STK32B: variants seen among roughly 807,000 people sequenced by gnomAD.
STK32B encodes the protein serine/threonine kinase 32B.
STK32B carries 43 observed loss-of-function variants against 52.6 expected under a neutral mutation model. The observed-to-expected ratio is 0.82, with a 90% CI of 0.64 to 1.05. The LOEUF (loss-of-function observed/expected upper bound fraction) is 1.05. STK32B is among the 50% of genes least tolerant of loss of function. The pLI, the probability that STK32B is intolerant of heterozygous loss-of-function variation, is 0.00. For synonymous variants in STK32B, 238 were observed against 204.3 expected, an observed-to-expected ratio of 1.17 and a Z score of -1.41; for missense variants, 621 against 534.6, an observed-to-expected ratio of 1.16 and a Z score of -1.59.
intron 1 of STK32B, among the ~76,000 whole-genome samples, chr4:5,116,587 T>G (rs1333136271): frequency 1.3e-5 from 2 of 152,230 alleles, no homozygotes; most frequent in Non-Finnish European, 2.9e-5. Context: ...CCTCCAGCTT[T>G]GTTCTTCTTG....
At chr4:5,292,644 G>A (rs1416608797) in intron 3 of STK32B, among the ~76,000 whole-genome samples, 1 of 151,964 alleles carries the variant, frequency 6.6e-6, no homozygotes, top group African/African-American at 2.4e-5. Flanking sequence ...AAGCTCTTTA[G>A]TTTAATTAGG....
rs1720548521 is a variant in STK32B, at chr4:5,499,229, G to A, written c.*146G>A. The A allele has an allele frequency of 8.4e-7, 1 of 1,193,582 alleles. No individual in the cohort carries two copies. The highest frequency in any genetic ancestry group is 1.6e-5 in the African/African-American group (1 of 63,784). The allele number at this position is 1,193,582 out of a possible 1,614,324, so 73.9% of individuals were successfully genotyped here. ...CTGGACTTGGAGCTGGGAAGCCTGGGTTCTGGTCCCATCTCCATGACTGAT... is the reference window on the plus strand; with the variant it reads ...CTGGACTTGGAGCTGGGAAGCCTGGATTCTGGTCCCATCTCCATGACTGAT... On this transcript the variant is annotated 3_prime_UTR_variant, in exon 12 of 12. Coordinates refer to ENST00000282908, the MANE Select transcript of STK32B (RefSeq NM_018401.3).
At position 5,386,143 on chromosome 4, in the gene STK32B, T is replaced by C. The variant is rs559588323; in HGVS notation, c.435-12064T>C. Among the ~76,000 whole-genome samples the C allele has an allele frequency of 3.3e-5, 5 of 149,868 alleles. No homozygotes were observed. The highest frequency in any genetic ancestry group is 3.3e-4 in the Admixed American group (5 of 15,014). On this transcript the variant is annotated intron_variant, in intron 4 of 11. Transcript: ENST00000282908. The surrounding 1 kb of genome is among the most constrained non-coding windows in gnomAD (Gnocchi z 4.5). Reference sequence around the variant, plus strand: ...AGCTCTTGGCCCACAGTTCCTGGCCTTTGTACTCCCTGGACTCTTCCCAGC... The same window carrying C: ...AGCTCTTGGCCCACAGTTCCTGGCCCTTGTACTCCCTGGACTCTTCCCAGC...
Position 5,467,855 on chromosome 4 carries a change from A to T in STK32B, c.1042-151A>T. 1.3e-6 allele frequency: 1 copy of T among 781,256 alleles called. No individual in the cohort carries two copies. Among genetic ancestry groups the T allele is most frequent in the South Asian group, 1.6e-5 (1 of 60,792 alleles). 48.4% of individuals were successfully genotyped at this position (781,256 alleles called of 1,614,324 possible). On this transcript the variant is annotated intron_variant, in intron 10 of 11. Coordinates refer to ENST00000282908, the MANE Select transcript of STK32B (RefSeq NM_018401.3). This position sits in a 1 kb window ranked among gnomAD's most constrained non-coding sequence, Gnocchi z 5.8. ...TTTGGACACAGCCACCCATGCAGTC[A>T]GGGTCAGCCCCAGACACTTAGCTTG...
intron 3 of STK32B, among the ~76,000 whole-genome samples, chr4:5,175,810 C>A (rs1368361082): frequency 1.3e-5 from 2 of 152,214 alleles, no homozygotes; most frequent in African/African-American, 2.4e-5. Context: ...GCTGGGAGAA[C>A]CACTACTCTG....
intron 3 of STK32B, among the ~76,000 whole-genome samples, chr4:5,302,471 G>A (rs928424433): frequency 4.6e-5 from 7 of 151,924 alleles, no homozygotes; most frequent in Non-Finnish European, 1.0e-4. Flanking sequence ...AGATCTACAA[G>A]CCTTCTGAAA....
At chr4:5,034,470 A>G in the STK32B span, among the ~76,000 whole-genome samples, 1 of 152,148 alleles carries the variant, frequency 6.6e-6, no homozygotes, top group African/African-American at 2.4e-5. Flanking sequence ...CAAATATTTG[A>G]TGAAGGAATA....
chr4:5,308,896 C>A (rs1290987909), intron 3 of STK32B, among the ~76,000 whole-genome samples: 1 of 151,524 alleles, frequency 6.6e-6, no homozygotes, highest in Admixed American at 6.6e-5. Flanking sequence ...ATGTCCTAGA[C>A]AGAACAATTA....
intron 3 of STK32B, among the ~76,000 whole-genome samples, chr4:5,180,534 C>T (rs73212017): frequency 0.19 from 28,539 of 152,064 alleles, 3,380 homozygotes; most frequent in East Asian, 0.31. Flanking sequence ...TGGCCCCTCC[C>T]TGCTTGGTAC....
At chr4:5,137,212 A>G (rs1024323772) in intron 1 of STK32B, among the ~76,000 whole-genome samples, 1 of 152,174 alleles carries the variant, frequency 6.6e-6, no homozygotes, top group African/African-American at 2.4e-5. Flanking sequence ...TGCACTCCCT[A>G]ATGCTGAAGC....
At chr4:5,257,116 C>T (rs997093834) in intron 3 of STK32B, among the ~76,000 whole-genome samples, 5 of 151,272 alleles carry the variant, frequency 3.3e-5, no homozygotes, top group African/African-American at 7.3e-5. Flanking sequence ...AACAAGTGAA[C>T]GTGAGGGTGA....
chr4:5,185,725 C>A lies in STK32B; in HGVS notation c.260+17275C>A, dbSNP rs116386382. 3.9e-3 allele frequency among the ~76,000 whole-genome samples: 589 copies of A among 152,334 alleles called. 6 individuals carry two copies. The highest frequency in any genetic ancestry group is 0.01 in the Middle Eastern group (3 of 294). The stretch of plus-strand genomic sequence containing the variant: ...TGCCCAGCCAGTTACCCATCACCCA[C>A]GTGCCCTTCACAGGACAGGTCTTAT... On this transcript the variant is annotated intron_variant, in intron 3 of 11. Transcript: ENST00000282908.
intron 5 of STK32B, among the ~76,000 whole-genome samples, chr4:5,411,691 C>T (rs1001719445): frequency 3.9e-5 from 6 of 152,092 alleles, no homozygotes; most frequent in East Asian, 3.8e-4. Context: ...ATGGCTGTAA[C>T]TTATTTGATT....
intron 3 of STK32B, 75 bp from the exon 4 acceptor site, chr4:5,331,144 TA>T: frequency 7.0e-7 from 1 of 1,418,962 alleles, no homozygotes; most frequent in Non-Finnish European, 9.5e-7. Flanking sequence ...TGCTCTTCTG[TA>T]AAATGGAGGC....
At chr4:5,081,571 C>CT (rs926626050) in intron 1 of STK32B, among the ~76,000 whole-genome samples, 7 of 151,738 alleles carry the variant, frequency 4.6e-5, no homozygotes, top group Admixed American at 1.3e-4. Context: ...CCTTTTCATT[C>CT]TTTTTTTTCT....
At position 5,460,032 on chromosome 4, in the gene STK32B, C is replaced by G; in HGVS notation, c.784-71C>G. Reference sequence around the variant, plus strand: ...AGGCACATTAATTGCCCTGAGACCCCCTCCTTCAGAGTCCCCGCTAACCTT... The same window carrying G: ...AGGCACATTAATTGCCCTGAGACCCGCTCCTTCAGAGTCCCCGCTAACCTT... On this transcript the variant is annotated intron_variant, in intron 8 of 11. Transcript: ENST00000282908. The surrounding 1 kb of genome is among the most constrained non-coding windows in gnomAD (Gnocchi z 4.8). The G allele has an allele frequency of 1.2e-6, 2 of 1,611,270 alleles. No individual in the cohort carries two copies. Among genetic ancestry groups the G allele is most frequent in the Non-Finnish European group, 1.7e-6 (2 of 1,178,118 alleles).
intron 3 of STK32B, among the ~76,000 whole-genome samples, chr4:5,325,858 A>C (rs79737554): frequency 0.026 from 3,957 of 152,298 alleles, 167 homozygotes; most frequent in African/African-American, 0.089. Context: ...CAAGAAGCAA[A>C]AGGGACAATG....
At chr4:5,496,158 T>C (rs1048027745) in intron 11 of STK32B, among the ~76,000 whole-genome samples, 22 of 152,302 alleles carry the variant, frequency 1.4e-4, no homozygotes, top group Admixed American at 1.0e-3. Flanking sequence ...GTCTTTTTGT[T>C]TGTCTGTGCC....
the STK32B span, among the ~76,000 whole-genome samples, chr4:5,040,578 G>A: frequency 6.6e-6 from 1 of 151,986 alleles, no homozygotes; most frequent in African/African-American, 2.4e-5. Context: ...ATTTTTAGTA[G>A]AGACAGGGTT....
Sources: allele counts gnomAD v4.1 joint callset (sites outside exome capture counted in the v4.1 genomes callset), GRCh38; gene constraint gnomAD v4.1.1; non-coding constraint Gnocchi (gnomAD v3.1); transcripts MANE v1.5; gene names NCBI Gene and HGNC (gene_info 2026-07-23, HGNC 2026-07-21).